LOXHD1: variants seen among roughly 807,000 people sequenced by gnomAD.
LOXHD1 encodes lipoxygenase homology domain-containing protein 1.
Under a neutral mutation model 248.2 loss-of-function variants are expected in LOXHD1, and 205 were observed. That is an observed-to-expected ratio of 0.83 (90% CI 0.74 to 0.93). The LOEUF is 0.93. LOXHD1 is among the 40% of genes least tolerant of loss of function. LOXHD1 has a pLI of 0.00. For missense variants in LOXHD1, 2,930 were observed against 2,971.6 expected (o/e 0.99, Z 0.33); for synonymous variants, 1,113 against 1,162.8 (o/e 0.96, Z 0.87).
chr18:46,540,654 C>CTTTTTTTTTTTTTTTTTTTTT (rs60099172), intron 25 of LOXHD1, among the ~76,000 whole-genome samples: 5 of 91,402 alleles, frequency 5.5e-5, no homozygotes, highest in Non-Finnish European at 1.0e-4. Context: ...AACTCTTTAT[C>CTTTTTTTTTTTTTTTTTTTTT]TTTTTTTTTT....
intron 21 of LOXHD1, among the ~76,000 whole-genome samples, chr18:46,553,202 T>C (rs2037179190): frequency 6.6e-6 from 1 of 152,210 alleles, no homozygotes; most frequent in Non-Finnish European, 1.5e-5. Context: ...TGTTAACTAA[T>C]TGGACTCTCA....
At chr18:46,640,308 C>A (rs1014438099) in intron 3 of LOXHD1, among the ~76,000 whole-genome samples, 1 of 152,202 alleles carries the variant, frequency 6.6e-6, no homozygotes, top group African/African-American at 2.4e-5. Context: ...ACAGCTTATA[C>A]CCTGGGGCTC....
At chr18:46,546,467 C>G (rs1256214632) in intron 22 of LOXHD1, among the ~76,000 whole-genome samples, 1 of 151,358 alleles carries the variant, frequency 6.6e-6, no homozygotes, top group African/African-American at 2.4e-5. Flanking sequence ...ACATTCCATT[C>G]CATTCCAACC....
At chr18:46,621,553 C>T (rs1041223658) in intron 4 of LOXHD1, among the ~76,000 whole-genome samples, 5 of 149,970 alleles carry the variant, frequency 3.3e-5, no homozygotes, top group African/African-American at 1.3e-4. Context: ...ACACAAGTGC[C>T]CCCCAATTTC....
At chr18:46,606,726 A>C (rs1301790747) in intron 6 of LOXHD1, among the ~76,000 whole-genome samples, 5 of 152,344 alleles carry the variant, frequency 3.3e-5, no homozygotes, top group Admixed American at 1.3e-4. Flanking sequence ...TGTATAGCAT[A>C]ATATACATTT....
Position 46,629,395 on chromosome 18 carries a change from C to A in LOXHD1, c.511+10221G>T, listed in dbSNP as rs1021227082. On this transcript the variant is annotated intron_variant, in intron 4 of 40. Coordinates refer to ENST00000642948, the MANE Select transcript of LOXHD1 (RefSeq NM_001384474.1). ...TTCTGGCTTCTTGACAGAGCCTTTG[C>A]GATGGGTGTTTTATGCTCCAATCAT... Among the ~76,000 whole-genome samples, 21 of 152,306 alleles carry A rather than the reference C, an allele frequency of 1.4e-4. 1 individual carries two copies. The highest frequency in any genetic ancestry group is 9.1e-4 in the Admixed American group (14 of 15,304).
chr18:46,492,523 A>G (rs911557196), intron 37 of LOXHD1, among the ~76,000 whole-genome samples: 7 of 152,162 alleles, frequency 4.6e-5, no homozygotes, highest in African/African-American at 1.4e-4. Flanking sequence ...GGGGGAAACC[A>G]CACCCGCAAT....
intron 4 of LOXHD1, among the ~76,000 whole-genome samples, chr18:46,629,158 C>T (rs2038786033): frequency 6.6e-6 from 1 of 152,132 alleles, no homozygotes; most frequent in Admixed American, 6.5e-5. Flanking sequence ...CTCCAAGAGA[C>T]CCCCTAGTCC....
chr18:46,544,181 A>C (rs939968244), intron 23 of LOXHD1, among the ~76,000 whole-genome samples: 2 of 152,212 alleles, frequency 1.3e-5, no homozygotes, highest in African/African-American at 4.8e-5. Flanking sequence ...ATACAGAGAG[A>C]TAGACAGACC....
intron 6 of LOXHD1, among the ~76,000 whole-genome samples, chr18:46,605,270 TA>T (rs1348398551): frequency 6.6e-6 from 1 of 152,130 alleles, no homozygotes; most frequent in Non-Finnish European, 1.5e-5. Context: ...GCTCACACCG[TA>T]ATCCCAGCAC....
At chr18:46,522,056 T>G in intron 32 of LOXHD1, 45 bp downstream of exon 32, 1 of 1,393,980 alleles carries the variant, frequency 7.2e-7, no homozygotes, top group East Asian at 2.6e-5. Flanking sequence ...CAGCTCTGTC[T>G]ATCCCTAGGG....
Position 46,595,165 on chromosome 18 carries a change from G to T in LOXHD1, c.1135-699C>A, listed in dbSNP as rs1457891576. On this transcript the variant is annotated intron_variant, in intron 8 of 40. Transcript: ENST00000642948. ...ACCATTGTCTTACTGGGTATTTGTTGTCTACTGTTCATAGTGACAAAAATT... is the reference window on the plus strand; with the variant it reads ...ACCATTGTCTTACTGGGTATTTGTTTTCTACTGTTCATAGTGACAAAAATT... 6.6e-5 allele frequency among the ~76,000 whole-genome samples: 10 copies of T among 152,156 alleles called. No individual in the cohort carries two copies. In the East Asian group the frequency reaches 1.9e-3, roughly 29 times the overall value.
At chr18:46,575,637 A>G (rs1267264177) in intron 14 of LOXHD1, among the ~76,000 whole-genome samples, 1 of 152,190 alleles carries the variant, frequency 6.6e-6, no homozygotes, top group Non-Finnish European at 1.5e-5. Context: ...GGGTGAGGAC[A>G]TAGGCCCGGG....
At chr18:46,542,532 T>C (rs1300243284) in intron 24 of LOXHD1, among the ~76,000 whole-genome samples, 195 bp downstream of exon 24, 1 of 152,198 alleles carries the variant, frequency 6.6e-6, no homozygotes, top group African/African-American at 2.4e-5. Flanking sequence ...GGTACAGCTC[T>C]AGACTAATTA....
intron 4 of LOXHD1, among the ~76,000 whole-genome samples, chr18:46,622,534 A>T (rs1165101033): frequency 6.6e-6 from 1 of 151,946 alleles, no homozygotes; most frequent in African/African-American, 2.4e-5. Context: ...GTCTCTAGGC[A>T]GGGGGTGGTG....
chr18:46,478,016 T>A, intron 40 of LOXHD1, 64 bp from the exon 41 acceptor site: 1 of 1,489,698 alleles, frequency 6.7e-7, no homozygotes, highest in Non-Finnish European at 9.0e-7. Flanking sequence ...GGCTGCTCCC[T>A]CCCCCAGATC....
intron 12 of LOXHD1, among the ~76,000 whole-genome samples, chr18:46,586,719 A>T (rs1340834814): frequency 6.6e-6 from 1 of 152,224 alleles, no homozygotes; most frequent in African/African-American, 2.4e-5. Flanking sequence ...AAGTGCTAGG[A>T]TTACAGGCAT....
intron 18 of LOXHD1, among the ~76,000 whole-genome samples, 162 bp from the exon 19 acceptor site, chr18:46,560,707 C>T (rs940392064): frequency 1.3e-5 from 2 of 152,224 alleles, no homozygotes; most frequent in Non-Finnish European, 2.9e-5. Context: ...ACCTCCCTCT[C>T]TCCGGCCACA....
chr18:46,538,126 A>C lies in LOXHD1; in HGVS notation c.4095+30T>G, dbSNP rs2036394386. 2.6e-6 allele frequency: 4 copies of C among 1,515,906 alleles called. No individual in the cohort carries two copies. The South Asian group carries it at 4.9e-5, about 19-fold the overall frequency. 93.9% of individuals were successfully genotyped at this position (1,515,906 alleles called of 1,614,324 possible). A position where few individuals can be genotyped will look rare whatever the true frequency, so the allele number is the denominator to read the frequency against. On this transcript the variant is annotated intron_variant, in intron 26 of 40. Coordinates refer to ENST00000642948, the MANE Select transcript of LOXHD1 (RefSeq NM_001384474.1). Reference sequence around the variant, plus strand: ...CCTCTCCCTCTGTCTGACCTACTCCATCCCTGGACAGCCTGCTGAGCCCAA... The same window carrying C: ...CCTCTCCCTCTGTCTGACCTACTCCCTCCCTGGACAGCCTGCTGAGCCCAA...
Sources: gnomAD v4.1 joint callset for allele counts (sites outside exome capture counted in the v4.1 genomes callset) on GRCh38, gnomAD v4.1.1 for gene constraint, MANE v1.5 for transcripts, NCBI Gene and HGNC (gene_info 2026-07-23, HGNC 2026-07-21) for gene names.